The following LMNTD1 variants were observed in gnomAD, a reference collection of about 807,000 sequenced individuals.
LMNTD1 encodes lamin tail domain-containing protein 1.
In LMNTD1, 35 loss-of-function variants were observed where a neutral mutation model predicts 50.9. The ratio of observed to expected loss-of-function variants is 0.69; its 90% CI spans 0.53 to 0.91. The LOEUF is 0.91. LMNTD1 is among the 40% of genes least tolerant of loss of function. LMNTD1 has a pLI of 0.00. For synonymous variants in LMNTD1, 153 were observed against 161.9 expected, an observed-to-expected ratio of 0.94 and a Z score of 0.42; for missense variants, 470 against 475.5, an observed-to-expected ratio of 0.99 and a Z score of 0.11.
At chr12:25,505,550 T>TA (rs753253900) in intron 8 of LMNTD1, among the ~76,000 whole-genome samples, 156 of 152,312 alleles carry the variant, frequency 1.0e-3, no homozygotes, top group Non-Finnish European at 1.9e-3. Flanking sequence ...GGTGACTTTT[T>TA]AATCTAAATT....
chr12:25,625,874 G>A (rs1315708478), intron 1 of LMNTD1, among the ~76,000 whole-genome samples: 1 of 152,164 alleles, frequency 6.6e-6, no homozygotes, highest in South Asian at 2.1e-4. Flanking sequence ...CACCTGGGCT[G>A]TACACAGCCC....
At position 25,478,345 on chromosome 12, in the gene LMNTD1, C is replaced by T. The variant is rs144537043; in HGVS notation, c.*23-1885G>A. ...ATCCTTCATACAACCGGAAATGCAC[C>T]AATCCCCAACCCAAATACTATTACA... On this transcript the variant is annotated intron_variant, in intron 9 of 9. Coordinates refer to ENST00000458174, the MANE Select transcript of LMNTD1 (RefSeq NM_001145728.2). 3.1e-3 allele frequency among the ~76,000 whole-genome samples: 469 copies of T among 152,184 alleles called. 6 individuals are homozygous for T. Among genetic ancestry groups the T allele is most frequent in the East Asian group, 0.026 (133 of 5,178 alleles).
chr12:25,547,326 T>C (rs1056260931), intron 3 of LMNTD1: 1 of 239,232 alleles, frequency 4.2e-6, no homozygotes, highest in African/African-American at 2.3e-5. Context: ...AGCCACGTGA[T>C]GTAAGTTTTC....
intron 1 of LMNTD1, among the ~76,000 whole-genome samples, chr12:25,597,245 TAGA>T (rs1945862143): frequency 6.6e-6 from 1 of 151,830 alleles, no homozygotes; most frequent in African/African-American, 2.4e-5. Context: ...TCGAAAGACA[TAGA>T]GTGGCTGAAA....
chr12:25,486,511 A>C (rs113964235), intron 9 of LMNTD1, among the ~76,000 whole-genome samples: 123 of 130,284 alleles, frequency 9.4e-4, no homozygotes, highest in African/African-American at 3.3e-3. Flanking sequence ...TCTCCTGCCT[A>C]ATTGCCCTGG....
chr12:25,512,543 C>T (rs529729749), intron 8 of LMNTD1, among the ~76,000 whole-genome samples: 4 of 152,046 alleles, frequency 2.6e-5, no homozygotes, highest in Non-Finnish European at 4.4e-5. Context: ...GATTCAAAAG[C>T]GGAAAATTTT....
chr12:25,519,311 G>T (rs1941064012), intron 7 of LMNTD1, among the ~76,000 whole-genome samples: 1 of 152,010 alleles, frequency 6.6e-6, no homozygotes, highest in African/African-American at 2.4e-5. Flanking sequence ...TGAAATGGCG[G>T]CCGGCCGCGG....
At chr12:25,542,689 T>C (rs1943168890) in intron 4 of LMNTD1, among the ~76,000 whole-genome samples, 1 of 150,068 alleles carries the variant, frequency 6.7e-6, no homozygotes, top group Non-Finnish European at 1.5e-5. Flanking sequence ...ACCTGCACAA[T>C]GTGCACATGT....
intron 1 of LMNTD1, among the ~76,000 whole-genome samples, chr12:25,595,706 A>G (rs938291065): frequency 6.6e-6 from 1 of 152,152 alleles, no homozygotes; most frequent in Non-Finnish European, 1.5e-5. Context: ...CAAACCTAGC[A>G]GAAGAAAGGA....
chr12:25,513,543 C>T (rs185727885), intron 8 of LMNTD1, among the ~76,000 whole-genome samples: 1 of 151,988 alleles, frequency 6.6e-6, no homozygotes, highest in African/African-American at 2.4e-5. Context: ...GGCTGAGGCA[C>T]GAGAATCACT....
intron 1 of LMNTD1, among the ~76,000 whole-genome samples, chr12:25,559,869 C>A (rs554894032): frequency 7.6e-4 from 116 of 152,168 alleles, no homozygotes; most frequent in Non-Finnish European, 1.4e-3. Context: ...TGTTCATATC[C>A]TTTGCCCACT....
chr12:25,489,243 A>C (rs1435153484), intron 9 of LMNTD1, among the ~76,000 whole-genome samples: 1 of 150,518 alleles, frequency 6.6e-6, no homozygotes, highest in Admixed American at 6.6e-5. Flanking sequence ...GCTGCCTTGC[A>C]GTTTGATCTC....
intron 8 of LMNTD1, among the ~76,000 whole-genome samples, chr12:25,514,376 A>T (rs1342197337): frequency 2.6e-5 from 4 of 152,228 alleles, no homozygotes; most frequent in Admixed American, 2.6e-4. Flanking sequence ...AGACATATAC[A>T]AAAAGCAAAT....
At position 25,520,139 on chromosome 12, in the gene LMNTD1, G is replaced by GATATATATATAT. The variant is rs1394594290; in HGVS notation, c.799-65_799-64insATATATATATAT. On this transcript the variant is annotated intron_variant, in intron 6 of 9. Transcript: ENST00000458174. ...TGAGGTTTACAACATGCTGTTATGA[G>GATATATATATAT]ATATACATATATATATATATATATA... is the stretch of plus-strand genomic sequence containing the variant. The GATATATATATAT allele has an allele frequency of 2.0e-3, 312 of 152,374 alleles. 15 individuals carry two copies. Among genetic ancestry groups the GATATATATATAT allele is most frequent in the Middle Eastern group, 2.8e-3 (1 of 362 alleles). 9.4% of individuals were successfully genotyped at this position (152,374 alleles called of 1,614,324 possible).
chr12:25,543,628 C>T lies in LMNTD1; in HGVS notation c.491+2746G>A, dbSNP rs74512944. Among the ~76,000 whole-genome samples the T allele has an allele frequency of 4.6e-5, 7 of 151,132 alleles. No individual in the cohort carries two copies. In the East Asian group the frequency reaches 1.4e-3, roughly 30 times the overall value. Reference sequence around the variant, plus strand: ...TTGTTTCTTTTCTTCTACTAATTTTCAGTTTGTTTTTTTTTTCTTGCTTTC... The same window carrying T: ...TTGTTTCTTTTCTTCTACTAATTTTTAGTTTGTTTTTTTTTTCTTGCTTTC... On this transcript the variant is annotated intron_variant, in intron 4 of 9. Coordinates refer to ENST00000458174, the MANE Select transcript of LMNTD1 (RefSeq NM_001145728.2).
chr12:25,578,237 C>A (rs1227665542), intron 1 of LMNTD1, among the ~76,000 whole-genome samples: 3 of 152,128 alleles, frequency 2.0e-5, no homozygotes, highest in Non-Finnish European at 4.4e-5. Flanking sequence ...AGCATTTACC[C>A]TAAATATGAG....
At chr12:25,619,252 C>CTCTCTCTCTCTCTCTATATATATATA (rs1374134268) in intron 1 of LMNTD1, among the ~76,000 whole-genome samples, 1 of 84,446 alleles carries the variant, frequency 1.2e-5, no homozygotes, top group African/African-American at 5.1e-5. Flanking sequence ...CTCTCTCTCT[C>CTCTCTCTCTCTCTCTATATATATATA]TATATATATA....
intron 1 of LMNTD1, among the ~76,000 whole-genome samples, chr12:25,641,766 T>G (rs1212151597): frequency 6.6e-6 from 1 of 151,918 alleles, no homozygotes; most frequent in African/African-American, 2.4e-5. Context: ...GAATATAATA[T>G]AAGAGATGCA....
chr12:25,484,070 G>T (rs1938530840), intron 9 of LMNTD1, among the ~76,000 whole-genome samples: 1 of 151,758 alleles, frequency 6.6e-6, no homozygotes, highest in South Asian at 2.1e-4. Flanking sequence ...TAACTTTTGT[G>T]TTTTTCTTTT....
Sources: gnomAD v4.1 joint callset for allele counts (sites outside exome capture counted in the v4.1 genomes callset) on GRCh38, gnomAD v4.1.1 for gene constraint, MANE v1.5 for transcripts, NCBI Gene and HGNC (gene_info 2026-07-23, HGNC 2026-07-21) for gene names.